The following WDR90 variants were observed in gnomAD, a reference collection of about 807,000 sequenced individuals.
WDR90 encodes the protein WD repeat-containing protein 90.
Under a neutral mutation model 195.2 loss-of-function variants are expected in WDR90, and 238 were observed. The ratio of observed to expected loss-of-function variants is 1.22; its 90% CI spans 1.10 to 1.36. The LOEUF is 1.36. Ranked by LOEUF, WDR90 falls within the 40% of genes most tolerant of loss-of-function variation. WDR90 has a pLI of 0.00. For synonymous variants in WDR90, 1,265 were observed against 1,052.4 expected (o/e 1.20, Z -3.91); for missense variants, 2,734 against 2,439.5 (o/e 1.12, Z -2.54).
chr16:657,268 G>T, intron 20 of WDR90, 47 bp downstream of exon 20: 1 of 1,491,796 alleles, frequency 6.7e-7, no homozygotes, highest in Non-Finnish European at 9.0e-7. Context: ...GGGCGGGGGA[G>T]GCCTGGATCT....
rs1004992117 is a variant in WDR90 at position 660,853 on chromosome 16, C to T, written c.3391+139C>T. On this transcript the variant is annotated intron_variant, in intron 28 of 40. Coordinates refer to ENST00000293879, the MANE Select transcript of WDR90 (RefSeq NM_145294.5). ...GGGCTCTGTTCTCCCGGTAGCGCCT[C>T]CTGGCGCTCCAGCCGAGGTCCTGTG... The T allele has an allele frequency of 2.9e-6, 3 of 1,031,576 alleles. No homozygotes were observed. In the African/African-American group the frequency reaches 5.4e-5, roughly 19 times the overall value. 63.9% of individuals were successfully genotyped at this position (1,031,576 alleles called of 1,614,324 possible).
chr16:650,043 C>T lies in WDR90; in HGVS notation c.155C>T (p.Ala52Val), dbSNP rs1216534485. 6.2e-7 allele frequency: 1 copy of T among 1,612,870 alleles called. No individual in the cohort carries two copies. The highest frequency in any genetic ancestry group is 8.5e-7 in the Non-Finnish European group (1 of 1,179,976). The change falls in exon 3 of 41, where the codon GCC becomes GTC. Residue 52 changes from alanine (A) to valine (V), a missense_variant. By Grantham distance (64) the Ala-to-Val change is moderately conservative. Coordinates refer to ENST00000293879, the MANE Select transcript of WDR90 (RefSeq NM_145294.5). ...CGCATTCGGGGCTCAGTCTCTGCCG[C>T]CAACTACATCCAGCTCCCTAAGAGC... is the stretch of plus-strand genomic sequence containing the variant. ...VYRIRGSVSA[A>V]NYIQLPKSST...
chr16:651,652 G>T lies in WDR90; in HGVS notation c.745G>T (p.Gly249Trp), dbSNP rs781499019. ...SCSPPEAVLL[G>W]PGPQPLPCPV... is the part of the protein sequence containing the mutation. ...TCTTTGCTCTGTTCTAGTCCTCCTG[G>T]GGCCGGGGCCACAGCCTCTCCCTTG... Residue 249 changes from glycine (G) to tryptophan (W), a missense_variant, in exon 8 of 41, where the codon GGG (glycine) becomes TGG (tryptophan). Transcript: ENST00000293879. The T allele has an allele frequency of 6.2e-7, 1 of 1,612,506 alleles. No homozygotes were observed. The highest frequency in any genetic ancestry group is 1.3e-5 in the African/African-American group (1 of 75,006).
Position 655,624 on chromosome 16 carries a change from G to A in WDR90, c.1770G>A (p.Met590Ile), listed in dbSNP as rs199872095. 1.5e-4 allele frequency: 234 copies of A among 1,608,874 alleles called. 1 individual carries two copies. The highest frequency in any genetic ancestry group is 1.2e-3 in the Admixed American group (70 of 59,538). ...GHILEIDCQR[M>I]VVRHARRLLP... ...TCTTGGAGATTGACTGTCAGCGCAT[G>A]GTCGTGCGGCATGCCCGCCGCCTGC... The change falls in exon 16 of 41, where the codon ATG becomes ATA. Residue 590 changes from methionine to isoleucine, a missense_variant. Physicochemically the swap from Met to Ile is conservative, Grantham distance 10 (BLOSUM62 1). Coordinates refer to ENST00000293879, the MANE Select transcript of WDR90 (RefSeq NM_145294.5).
chr16:657,733 C>T (rs1196834927), intron 20 of WDR90, 29 bp from the exon 21 acceptor site: 2 of 1,524,622 alleles, frequency 1.3e-6, no homozygotes, highest in Non-Finnish European at 8.8e-7. Flanking sequence ...ACTCCCCACC[C>T]AGCTGACCCC....
chr16:665,882 C>T (rs2038015636), intron 35 of WDR90, 68 bp from the exon 36 acceptor site: 2 of 1,555,050 alleles, frequency 1.3e-6, no homozygotes, highest in South Asian at 1.2e-5. Flanking sequence ...CCGCCTCCTC[C>T]CTCTGGCCTG....
chr16:654,781 CG>C (rs908344787), intron 13 of WDR90: 22 of 533,518 alleles, frequency 4.1e-5, no homozygotes, highest in Non-Finnish European at 5.0e-5. Flanking sequence ...TTCCGGCTTG[CG>C]GGGGGGTTTG....
Position 651,756 on chromosome 16 carries a change from C to A in WDR90, c.840+9C>A. ...CGCCCAGCCCCACAGCCGTGAGTAC[C>A]CCCTTCGCCCTATGAGATGGGGTTG... On this transcript the variant is annotated intron_variant, in intron 8 of 40. Coordinates refer to ENST00000293879, the MANE Select transcript of WDR90 (RefSeq NM_145294.5). 1 of 1,613,014 alleles carries A rather than the reference C, an allele frequency of 6.2e-7. No individual in the cohort carries two copies. The highest frequency in any genetic ancestry group is 8.5e-7 in the Non-Finnish European group (1 of 1,179,976).
At position 666,337 on chromosome 16, in the gene WDR90, T is replaced by C. The variant is rs1464290748; in HGVS notation, c.4727T>C (p.Val1576Ala). The stretch of plus-strand genomic sequence containing the variant: ...GGCGCCCCAATCTCTACCATCTGTG[T>C]CACGTGCAAAGAGGTAAAGCAGCCC... ...HQGAPISTICVTCKECEDLGV... is the reference protein window; with the variant it reads ...HQGAPISTICATCKECEDLGV... The change falls in exon 37 of 41, where the codon GTC (valine) becomes GCC (alanine). Residue 1576 changes from valine (V) to alanine (A), a missense_variant. Physicochemically the swap from Val to Ala is moderately conservative, Grantham distance 64. Transcript: ENST00000293879. The C allele has an allele frequency of 6.2e-7, 1 of 1,612,658 alleles. No individual in the cohort carries two copies. The highest frequency in any genetic ancestry group is 8.5e-7 in the Non-Finnish European group (1 of 1,179,966).
intron 27 of WDR90, 69 bp downstream of exon 27, chr16:660,230 G>C (rs996217312): frequency 7.3e-7 from 1 of 1,371,510 alleles, no homozygotes; most frequent in African/African-American, 1.5e-5. Context: ...GGGCTCCCCA[G>C]CACCTCCTCA....
At chr16:664,367 C>T (rs1389733324) in intron 34 of WDR90, among the ~76,000 whole-genome samples, 1 of 152,212 alleles carries the variant, frequency 6.6e-6, no homozygotes, top group Non-Finnish European at 1.5e-5. Flanking sequence ...ATCCCAGCCG[C>T]TGTGTGTGCC....
intron 18 of WDR90, 96 bp downstream of exon 18, chr16:656,633 C>T (rs1289817161): frequency 3.2e-6 from 5 of 1,570,306 alleles, no homozygotes; most frequent in Non-Finnish European, 3.5e-6. Flanking sequence ...GGGACCTGGA[C>T]TTTCCAGCCT....
intron 17 of WDR90, 123 bp from the exon 18 acceptor site, chr16:656,179 G>C: frequency 2.1e-6 from 2 of 975,392 alleles, no homozygotes; most frequent in Non-Finnish European, 3.0e-6. Flanking sequence ...TCTTGCAGCC[G>C]TGTGGAGCCT....
intron 18 of WDR90, 27 bp downstream of exon 18, chr16:656,564 A>G (rs2037759493): frequency 6.4e-7 from 1 of 1,563,588 alleles, no homozygotes; most frequent in South Asian, 1.1e-5. Context: ...GCAGCACGGC[A>G]GGGAGGGCCG....
Position 650,673 on chromosome 16 carries a change from A to T in WDR90, c.523A>T (p.Arg175Trp). The T allele has an allele frequency of 6.2e-7, 1 of 1,612,526 alleles. No individual in the cohort carries two copies. Among genetic ancestry groups the T allele is most frequent in the Non-Finnish European group, 8.5e-7 (1 of 1,179,708 alleles). ...CAGGCTGTGCGCCAGCCTGCTGGTC[A>T]GGAACCTGTACACCAGTGACCTGTG... ...SIRLCASLLVRNLYTSDLCFE... is the reference protein window; with the variant it reads ...SIRLCASLLVWNLYTSDLCFE... The change falls in exon 5 of 41, where the codon AGG becomes TGG. Residue 175 changes from arginine to tryptophan, a missense_variant. Coordinates refer to ENST00000293879, the MANE Select transcript of WDR90 (RefSeq NM_145294.5).
intron 13 of WDR90, 159 bp from the exon 14 acceptor site, chr16:654,870 G>A (rs1224466789): frequency 1.6e-6 from 1 of 636,874 alleles, no homozygotes; most frequent in African/African-American, 1.8e-5. Context: ...ATGAGAAGAT[G>A]GAGGGGCTGG....
chr16:661,743 A>T lies in WDR90; in HGVS notation c.3820A>T (p.Thr1274Ser). 6 of 1,610,666 alleles carry T rather than the reference A, an allele frequency of 3.7e-6. No individual in the cohort carries two copies. Among genetic ancestry groups the T allele is most frequent in the African/African-American group, 1.3e-5 (1 of 74,906 alleles). Residue 1274 changes from threonine (T) to serine (S), a missense_variant, in exon 31 of 41, where the codon ACC (threonine) becomes TCC (serine). By Grantham distance (58) the Thr-to-Ser change is moderately conservative (BLOSUM62 1). Coordinates refer to ENST00000293879, the MANE Select transcript of WDR90 (RefSeq NM_145294.5). The part of the protein sequence containing the change: ...ELTCVGQGTV[T>S]FWLLQQRGAD... The stretch of plus-strand genomic sequence containing the variant: ...CACCTGTGTGGGCCAGGGCACTGTC[A>T]CCTTCTGGCTCCTTCAGCAGCGTGG...
At chr16:662,416 C>T in intron 33 of WDR90, 85 bp downstream of exon 33, 1 of 1,481,478 alleles carries the variant, frequency 6.8e-7, no homozygotes, top group Admixed American at 2.0e-5. Context: ...CCCGCCCCCG[C>T]AAAGGCCGCC....
Position 652,026 on chromosome 16 carries a change from C to T in WDR90, c.1040C>T (p.Thr347Ile), listed in dbSNP as rs746392919. The T allele has an allele frequency of 5.6e-6, 9 of 1,595,262 alleles. No homozygotes were observed. The highest frequency in any genetic ancestry group is 1.1e-5 in the South Asian group (1 of 88,778). The change falls in exon 9 of 41, where the codon ACC becomes ATC. Residue 347 changes from threonine to isoleucine, a missense_variant. Coordinates refer to ENST00000293879, the MANE Select transcript of WDR90 (RefSeq NM_145294.5). ...TCGGCTGAGGTGCCCGTGGCCCGCA[C>T]CGGCTCCTGCGAAGTGAGTGCCCAT... ...HESAEVPVARTGSCEGFLPDP... is the reference protein window; with the variant it reads ...HESAEVPVARIGSCEGFLPDP...
Sources: gnomAD v4.1 joint callset for allele counts (sites outside exome capture counted in the v4.1 genomes callset) on GRCh38, gnomAD v4.1.1 for gene constraint, MANE v1.5 for transcripts, NCBI Gene and HGNC (gene_info 2026-07-23, HGNC 2026-07-21) for gene names.